YIF1A: variants seen among roughly 807,000 people sequenced by gnomAD.
The protein encoded by YIF1A is protein YIF1A.
In YIF1A, 28 loss-of-function variants were observed where a neutral mutation model predicts 32.6. That is an observed-to-expected ratio of 0.86 (90% CI 0.64 to 1.18). The LOEUF (loss-of-function observed/expected upper bound fraction) is 1.18, where lower values mean the gene tolerates loss of function less well. YIF1A is among the 50% of genes most tolerant of loss of function. The probability of loss-of-function intolerance (pLI) is 0.00; values close to 1 mark genes in which losing one functional copy is unlikely to be tolerated. For missense variants in YIF1A, 373 were observed against 390.8 expected, an observed-to-expected ratio of 0.95 and a Z score of 0.38; for synonymous variants, 175 against 162.2, an observed-to-expected ratio of 1.08 and a Z score of -0.60.
rs1857328021 is a variant in YIF1A at position 66,284,883 on chromosome 11, A to C, written c.725T>G (p.Met242Arg). 1 of 1,613,110 alleles carries C rather than the reference A, an allele frequency of 6.2e-7. No individual in the cohort carries two copies. The highest frequency in any genetic ancestry group is 1.3e-5 in the African/African-American group (1 of 74,902). ...VALAWTSSALMYFIVRSLRTA... is the reference protein window; with the variant it reads ...VALAWTSSALRYFIVRSLRTA... ...GTGCACCAGACTCACAATGAAGTAC[A>C]TGAGCGCCGATGAGGTCCAGGCCAG... The change falls in exon 7 of 8, where the codon ATG becomes AGG. Residue 242 changes from methionine to arginine, a missense_variant. Met to Arg is a moderately conservative substitution (Grantham distance 91). Transcript: ENST00000376901.
At position 66,288,100 on chromosome 11, in the gene YIF1A, T is replaced by C. The variant is rs1478126286; in HGVS notation, c.224A>G (p.Lys75Arg). The part of the protein sequence containing the change: ...AYGSSIASHG[K>R]DMVHKELHRF... Reference sequence around the variant, plus strand: ...CCACACCTCCTTGTGCACCATGTCCTTCCCATGGGATGCGATGGAGCTGCC... The same window carrying C: ...CCACACCTCCTTGTGCACCATGTCCCTCCCATGGGATGCGATGGAGCTGCC... Residue 75 changes from lysine to arginine, a missense_variant, in exon 2 of 8, where the codon AAG (lysine) becomes AGG (arginine). Physicochemically the swap from Lys to Arg is conservative, Grantham distance 26. Transcript: ENST00000376901. The C allele has an allele frequency of 1.2e-6, 2 of 1,613,684 alleles. No homozygotes were observed. Among genetic ancestry groups the C allele is most frequent in the African/African-American group, 2.7e-5 (2 of 74,922 alleles).
rs745606472 is a variant in YIF1A, at chr11:66,285,464, C to A, written c.558G>T (p.Leu186=). The A allele has an allele frequency of 1.6e-5, 26 of 1,613,342 alleles. No individual in the cohort carries two copies. Among genetic ancestry groups the A allele is most frequent in the South Asian group, 2.2e-5 (2 of 91,092 alleles). The change falls in exon 6 of 8, where the codon CTG becomes CTT. Residue 186 remains leucine, a synonymous_variant. Transcript: ENST00000376901. ...CGGTGGCCAGGTAGAGGCCCAGGAG[C>A]AGGGCCAGCACCTCCATCACCACCC... ...LVWVVMEVLA[L]LLGLYLATVR... is the part of the protein sequence containing the mutation.
intron 6 of YIF1A, 153 bp from the exon 7 acceptor site, chr11:66,285,119 T>C (rs902104292): frequency 2.2e-6 from 2 of 905,370 alleles, no homozygotes; most frequent in Admixed American, 2.7e-5. Context: ...CCCAAAGGGA[T>C]ATGGAAGGCC....
chr11:66,287,518 C>G (rs1340995966), intron 4 of YIF1A, 80 bp downstream of exon 4: 4 of 1,463,144 alleles, frequency 2.7e-6, no homozygotes, highest in Non-Finnish European at 3.8e-6. Context: ...AGCTGCGCCT[C>G]TCTTCCCATT....
At position 66,285,538 on chromosome 11, in the gene YIF1A, T is replaced by C. The variant is rs1192854880; in HGVS notation, c.486-2A>G. On this transcript the variant is annotated splice_acceptor_variant, in intron 5 of 7. Transcript: ENST00000376901. LOFTEE classifies it high-confidence loss of function. ...AGGCCCAGCACCTCCGGGGAGAACC[T>C]GCGCCAAAGCAGGGGTGGCTCAGAG... The C allele has an allele frequency of 1.2e-6, 2 of 1,612,780 alleles. No individual in the cohort carries two copies. The highest frequency in any genetic ancestry group is 3.3e-5 in the Admixed American group (2 of 60,012).
intron 5 of YIF1A, 32 bp downstream of exon 5, chr11:66,285,669 A>C: frequency 6.2e-7 from 1 of 1,612,470 alleles, no homozygotes; most frequent in Non-Finnish European, 8.5e-7. Context: ...GCTCACAGGG[A>C]GGGGAGGGTA....
At chr11:66,288,834 ACCCGAGTGACAC>A (rs1857405214) in intron 1 of YIF1A, 109 bp downstream of exon 1, 3 of 1,154,888 alleles carry the variant, frequency 2.6e-6, no homozygotes, top group Non-Finnish European at 2.3e-6. Context: ...AGGGGCAGGA[ACCCGAGTGACAC>A]CCCCGCCCTG....
chr11:66,285,305 C>T, intron 6 of YIF1A, 76 bp downstream of exon 6: 2 of 1,560,896 alleles, frequency 1.3e-6, no homozygotes, highest in Non-Finnish European at 1.7e-6. Flanking sequence ...CGAGACATGT[C>T]CAGGGTCACA....
In YIF1A at chr11:66,284,627, G is replaced by A; in HGVS notation, c.*10C>T. Reference sequence around the variant, plus strand: ...GAATGAAAAACTCAGTGCCATCTGGGGCCAGGGGGTCACCGGACCAGGTGG... The same window carrying A: ...GAATGAAAAACTCAGTGCCATCTGGAGCCAGGGGGTCACCGGACCAGGTGG... On this transcript the variant is annotated 3_prime_UTR_variant, in exon 8 of 8. Transcript: ENST00000376901. The A allele has an allele frequency of 6.2e-7, 1 of 1,612,506 alleles. No individual in the cohort carries two copies. The highest frequency in any genetic ancestry group is 8.5e-7 in the Non-Finnish European group (1 of 1,179,798).
In YIF1A at chr11:66,289,143, C is replaced by A; in HGVS notation, c.-158G>T. On this transcript the variant is annotated 5_prime_UTR_variant, in exon 1 of 8. Transcript: ENST00000376901. ...GTCTCGGCCACCATGTCCGTGGCGT[C>A]ATCCCCCGCGCCTGCCATTGGCTCT... The A allele has an allele frequency of 8.6e-7, 1 of 1,159,876 alleles. No individual in the cohort carries two copies. The highest frequency in any genetic ancestry group is 3.2e-5 in the East Asian group (1 of 31,406). 71.8% of individuals were successfully genotyped at this position (1,159,876 alleles called of 1,614,324 possible).
chr11:66,286,646 A>AT (rs1857361153), intron 4 of YIF1A, among the ~76,000 whole-genome samples: 1 of 152,192 alleles, frequency 6.6e-6, no homozygotes, highest in African/African-American at 2.4e-5. Flanking sequence ...AGAAAAAAAA[A>AT]GCACTGACAT....
chr11:66,287,770 A>C (rs781183869), intron 3 of YIF1A, 42 bp downstream of exon 3: 1 of 1,611,018 alleles, frequency 6.2e-7, no homozygotes, highest in Non-Finnish European at 8.5e-7. Context: ...AGACTCGGGC[A>C]GAATGAGGAA....
At chr11:66,287,566 A>AC in intron 4 of YIF1A, 32 bp downstream of exon 4, 1 of 1,170,932 alleles carries the variant, frequency 8.5e-7, no homozygotes, top group Non-Finnish European at 1.2e-6. Context: ...ACCCCACCCC[A>AC]CCACGTTCCC....
intron 4 of YIF1A, among the ~76,000 whole-genome samples, chr11:66,286,094 G>T (rs1465086971): frequency 2.0e-5 from 3 of 152,228 alleles, no homozygotes; most frequent in Non-Finnish European, 4.4e-5. Context: ...CTGGTTTCTG[G>T]CAAGACCAGA....
At chr11:66,285,288 T>G in intron 6 of YIF1A, 93 bp downstream of exon 6, 1 of 1,535,094 alleles carries the variant, frequency 6.5e-7, no homozygotes, top group Non-Finnish European at 8.8e-7. Flanking sequence ...TAGAGGTCAC[T>G]AGGGGCCGAG....
rs535396151 is a variant in YIF1A, at chr11:66,287,438, T to A, written c.427+160A>T. ...TCAGGAAGCTCCTTACTGGTCACCC[T>A]GCACTGCCTGCCTGGTGTCTTGCAA... is the stretch of plus-strand genomic sequence containing the variant. On this transcript the variant is annotated intron_variant, in intron 4 of 7. Coordinates refer to ENST00000376901, the MANE Select transcript of YIF1A (RefSeq NM_020470.3). 221 of 827,474 alleles carry A rather than the reference T, an allele frequency of 2.7e-4. 2 individuals are homozygous for A. In the South Asian group the frequency reaches 3.4e-3, roughly 13 times the overall value. The allele number at this position is 827,474 out of a possible 1,614,324, so 51.3% of individuals were successfully genotyped here.
chr11:66,287,757 G>A, intron 3 of YIF1A, 55 bp downstream of exon 3: 2 of 1,608,626 alleles, frequency 1.2e-6, no homozygotes, highest in Non-Finnish European at 1.7e-6. Context: ...AGGTCTGGGG[G>A]CCAGACTCGG....
chr11:66,288,819 T>A, intron 1 of YIF1A, 136 bp downstream of exon 1: 1 of 1,062,484 alleles, frequency 9.4e-7, no homozygotes, highest in Non-Finnish European at 1.3e-6. Flanking sequence ...TGTTGGAGTG[T>A]TACGAGGGGC....
chr11:66,286,866 G>C (rs1857364732), intron 4 of YIF1A: 1 of 152,682 alleles, frequency 6.5e-6, no homozygotes, highest in Non-Finnish European at 1.5e-5. Flanking sequence ...ACCTAGGCTG[G>C]CTGCCTGCCC....
Sources: allele counts gnomAD v4.1 joint callset (sites outside exome capture counted in the v4.1 genomes callset), GRCh38; gene constraint gnomAD v4.1.1; transcripts MANE v1.5; gene names NCBI Gene and HGNC (gene_info 2026-07-23, HGNC 2026-07-21).